The following PCDH15 variants were observed in gnomAD, a reference collection of about 807,000 sequenced individuals.
PCDH15 encodes protocadherin related 15, also known as protocadherin-15.
A neutral mutation model predicts 178.5 loss-of-function variants in PCDH15; 129 were observed. The ratio of observed to expected loss-of-function variants is 0.72; its 90% CI spans 0.63 to 0.84. The LOEUF (loss-of-function observed/expected upper bound fraction) is 0.84. Ranked by LOEUF, PCDH15 falls within the 40% of genes least tolerant of loss-of-function variation. PCDH15 has a pLI of 0.00. For missense variants in PCDH15, 2,230 were observed against 2,099.9 expected, an observed-to-expected ratio of 1.06 and a Z score of -1.21; for synonymous variants, 800 against 732.0, an observed-to-expected ratio of 1.09 and a Z score of -1.50.
intron 2 of PCDH15, among the ~76,000 whole-genome samples, chr10:55,003,480 TTTG>T (rs1839844861): frequency 6.6e-6 from 1 of 152,162 alleles, no homozygotes; most frequent in African/African-American, 2.4e-5. Context: ...ATTTTTTTCT[TTTG>T]AAGTATTTAT....
chr10:53,950,384 G>A (rs183496215), intron 23 of PCDH15, among the ~76,000 whole-genome samples: 2 of 151,924 alleles, frequency 1.3e-5, no homozygotes, highest in African/African-American at 4.8e-5. Flanking sequence ...ACATGAATGT[G>A]ACACTAAATC....
At chr10:53,914,620 T>TG (rs1438784190) in intron 25 of PCDH15, among the ~76,000 whole-genome samples, 1 of 152,016 alleles carries the variant, frequency 6.6e-6, no homozygotes, top group Non-Finnish European at 1.5e-5. Flanking sequence ...GTTGTGGAGT[T>TG]GGGGGCTGGC....
intron 11 of PCDH15, among the ~76,000 whole-genome samples, chr10:54,194,558 T>G (rs1341545194): frequency 6.6e-6 from 1 of 151,984 alleles, no homozygotes; most frequent in Non-Finnish European, 1.5e-5. Flanking sequence ...CTTTTACATA[T>G]AGTTATGCTT....
At chr10:54,579,603 G>C (rs142625532) in intron 2 of PCDH15, among the ~76,000 whole-genome samples, 1 of 152,036 alleles carries the variant, frequency 6.6e-6, no homozygotes, top group East Asian at 1.9e-4. Flanking sequence ...AATAATCCTG[G>C]ACTTAAATTT....
intron 3 of PCDH15, among the ~76,000 whole-genome samples, chr10:54,497,966 A>T (rs1473600009): frequency 5.9e-5 from 9 of 152,088 alleles, no homozygotes; most frequent in Non-Finnish European, 1.2e-4. Flanking sequence ...CCCCAGACAG[A>T]GAATATATAA....
At chr10:55,396,358 T>C (rs910833173) in intron 2 of PCDH15, among the ~76,000 whole-genome samples, 3 of 152,220 alleles carry the variant, frequency 2.0e-5, no homozygotes, top group African/African-American at 7.2e-5. Flanking sequence ...ATATAAACTA[T>C]GTTTCATGCT....
chr10:55,103,955 T>G (rs1171296919), intron 2 of PCDH15, among the ~76,000 whole-genome samples: 2 of 152,146 alleles, frequency 1.3e-5, no homozygotes, highest in Non-Finnish European at 2.9e-5. Flanking sequence ...TAGGTTTTCT[T>G]GTTTTACAAG....
intron 2 of PCDH15, among the ~76,000 whole-genome samples, chr10:55,381,807 T>A (rs1415273005): frequency 6.6e-6 from 1 of 152,148 alleles, no homozygotes; most frequent in Non-Finnish European, 1.5e-5. Context: ...CAAAAGCCTC[T>A]AAGTTGATCC....
chr10:55,520,142 ATATATATACACGCAATGTG>A (rs2132162940), intron 2 of PCDH15, among the ~76,000 whole-genome samples: 1 of 118,678 alleles, frequency 8.4e-6, no homozygotes, highest in African/African-American at 3.2e-5. Flanking sequence ...CAATGTGTAT[ATATATATACACGCAATGTG>A]TATATATATA....
At chr10:54,434,355 TCACCCAGAGTAACTTC>T (rs2075240898) in intron 3 of PCDH15, among the ~76,000 whole-genome samples, 1 of 152,206 alleles carries the variant, frequency 6.6e-6, no homozygotes, top group South Asian at 2.1e-4. Context: ...ATTCACTGAC[TCACCCAGAGTAACTTC>T]CATTCCTGTA....
chr10:54,079,281 C>G (rs775568617), intron 17 of PCDH15, 50 bp downstream of exon 17: 13 of 1,482,384 alleles, frequency 8.8e-6, no homozygotes, highest in African/African-American at 2.8e-5. Context: ...AAGACTCTCT[C>G]AGTTGCCTTA....
chr10:53,888,282 C>CTATATATATATATATATATATA lies in PCDH15; in HGVS notation c.3501+14960_3501+14961insTATATATATATATATATATATA, dbSNP rs201647527. 2.0e-3 allele frequency among the ~76,000 whole-genome samples: 190 copies of CTATATATATATATATATATATA among 95,256 alleles called. 11 individuals carry two copies. Among genetic ancestry groups the CTATATATATATATATATATATA allele is most frequent in the African/African-American group, 0.01 (157 of 15,576 alleles). 62.5% of individuals were successfully genotyped at this position (95,256 alleles called of 152,430 possible). A position where few individuals can be genotyped will look rare whatever the true frequency, so the allele number is the denominator to read the frequency against. ...TTGGATACAAATAAACATTCCAACA[C>CTATATATATATATATATATATA]TATATATACATATATATATATATAT... On this transcript the variant is annotated intron_variant, in intron 26 of 37. Coordinates refer to ENST00000644397, the MANE Select transcript of PCDH15 (RefSeq NM_001384140.1).
At chr10:54,414,044 C>T (rs1454910054) in intron 3 of PCDH15, among the ~76,000 whole-genome samples, 1 of 152,112 alleles carries the variant, frequency 6.6e-6, no homozygotes, top group Non-Finnish European at 1.5e-5. Context: ...ACAATATATA[C>T]ATATGACAAA....
chr10:54,448,934 T>C (rs1433800658), intron 3 of PCDH15, among the ~76,000 whole-genome samples: 1 of 151,738 alleles, frequency 6.6e-6, no homozygotes, highest in Non-Finnish European at 1.5e-5. Context: ...CTTCTCAAAG[T>C]TTCTCTCAAA....
chr10:54,060,440 C>T (rs11599859), intron 18 of PCDH15, among the ~76,000 whole-genome samples: 31,446 of 151,942 alleles, frequency 0.21, 3,378 homozygotes, highest in Non-Finnish European at 0.23. Flanking sequence ...CTATAATATA[C>T]GTAGCCATAC....
chr10:53,871,026 G>A (rs1364951100), intron 26 of PCDH15, among the ~76,000 whole-genome samples: 2 of 151,940 alleles, frequency 1.3e-5, no homozygotes, highest in Non-Finnish European at 2.9e-5. Context: ...AATGTCAGGT[G>A]TGACTTTGAA....
chr10:54,645,482 T>C (rs570673061), intron 2 of PCDH15, among the ~76,000 whole-genome samples: 8 of 151,980 alleles, frequency 5.3e-5, no homozygotes, highest in African/African-American at 1.2e-4. Flanking sequence ...CAAAAAGTTG[T>C]AGGAGATAGA....
At chr10:55,189,646 C>A (rs1407206103) in intron 1 of PCDH15, among the ~76,000 whole-genome samples, 1 of 151,796 alleles carries the variant, frequency 6.6e-6, no homozygotes, top group African/African-American at 2.4e-5. Flanking sequence ...CTCAACTCTA[C>A]AACTTACTCC....
At chr10:54,698,428 T>C (rs2095264476) in intron 1 of PCDH15, among the ~76,000 whole-genome samples, 1 of 152,104 alleles carries the variant, frequency 6.6e-6, no homozygotes, top group African/African-American at 2.4e-5. Flanking sequence ...CTGTATAGAT[T>C]CTGTGTTTAG....
Sources: gnomAD v4.1 joint callset for allele counts (sites outside exome capture counted in the v4.1 genomes callset) on GRCh38, gnomAD v4.1.1 for gene constraint, MANE v1.5 for transcripts, NCBI Gene and HGNC (gene_info 2026-07-23, HGNC 2026-07-21) for gene names.